Variants in BNIP3L observed in about 807,000 individuals in gnomAD.
The protein encoded by BNIP3L is BCL2/adenovirus E1B 19 kDa protein-interacting protein 3-like.
A neutral mutation model predicts 25.5 loss-of-function variants in BNIP3L; 10 were observed. The ratio of observed to expected loss-of-function variants is 0.39; its 90% CI spans 0.24 to 0.67. The LOEUF (loss-of-function observed/expected upper bound fraction) is 0.67. Ranked by LOEUF, BNIP3L falls within the 30% of genes least tolerant of loss-of-function variation. BNIP3L has a pLI of 0.45. For synonymous variants in BNIP3L, 113 were observed against 101.2 expected (o/e 1.12, Z -0.70); for missense variants, 215 against 270.9 (o/e 0.79, Z 1.45).
chr8:26,407,654 AAG>A (rs1193874393), intron 3 of BNIP3L, among the ~76,000 whole-genome samples: 8 of 152,166 alleles, frequency 5.3e-5, no homozygotes, highest in Admixed American at 5.2e-4. Flanking sequence ...AAGTGCATAC[AAG>A]AGAGAATAAT....
At chr8:26,383,720 C>T (rs1805915239) in intron 1 of BNIP3L, among the ~76,000 whole-genome samples, 1 of 151,490 alleles carries the variant, frequency 6.6e-6, no homozygotes, top group Non-Finnish European at 1.5e-5. Context: ...GGGCGGGCAG[C>T]GTCTGGCGGG....
chr8:26,408,296 AGG>A lies in BNIP3L; in HGVS notation c.535_536del (p.Gly179TyrfsTer52). ...TGAGGAAAAGTGGAGCCATGAAGAAAGGGGGTATTTTCTCCGCAGAATTTCTG... is the reference window on the plus strand; with the variant it reads ...TGAGGAAAAGTGGAGCCATGAAGAAAGGGTATTTTCTCCGCAGAATTTCTG... ...SMRKSGAMKK[G>X]GIFSAEFLKV... is the part of the protein sequence containing the mutation. On this transcript the variant is annotated frameshift_variant, in exon 5 of 6. Transcript: ENST00000380629. LOFTEE classifies it high-confidence loss of function. The A allele has an allele frequency of 1.2e-6, 2 of 1,614,140 alleles. No homozygotes were observed. Among genetic ancestry groups the A allele is most frequent in the Non-Finnish European group, 1.7e-6 (2 of 1,179,998 alleles).
At chr8:26,395,392 T>G in intron 3 of BNIP3L, 90 bp downstream of exon 3, 2 of 1,342,902 alleles carry the variant, frequency 1.5e-6, no homozygotes, top group Non-Finnish European at 2.1e-6. Context: ...GTGAAGACTT[T>G]TAGGAATAGT....
chr8:26,404,505 G>C (rs559343091), intron 3 of BNIP3L, among the ~76,000 whole-genome samples: 2 of 152,080 alleles, frequency 1.3e-5, no homozygotes, highest in South Asian at 4.1e-4. Flanking sequence ...AGGCTAGAAC[G>C]ATCAGAATCT....
chr8:26,406,193 C>CA, intron 3 of BNIP3L, among the ~76,000 whole-genome samples: 1 of 152,268 alleles, frequency 6.6e-6, no homozygotes, highest in African/African-American at 2.4e-5. Context: ...TTTTAAAAGT[C>CA]ACATTTTTTA....
intron 3 of BNIP3L, among the ~76,000 whole-genome samples, chr8:26,405,870 C>T (rs1806488602): frequency 1.3e-5 from 2 of 152,036 alleles, no homozygotes; most frequent in Admixed American, 1.3e-4. Context: ...TGGTGAAACC[C>T]CGTCTCTACG....
In BNIP3L at chr8:26,408,083, A is replaced by G. The variant is rs1402110870; in HGVS notation, c.441A>G (p.Arg147=). The G allele has an allele frequency of 1.2e-6, 2 of 1,614,204 alleles. No homozygotes were observed. Among genetic ancestry groups the G allele is most frequent in the Non-Finnish European group, 1.7e-6 (2 of 1,180,020 alleles). Residue 147 remains arginine (R), a synonymous_variant, in exon 4 of 6, where the codon AGA becomes AGG. Transcript: ENST00000380629. ...SADWVSDWSS[R]PENIPPKEFH... ...ACTGGGTATCAGACTGGTCCAGTAGACCCGAAAACATTCCACCCAAGTGAG... is the reference window on the plus strand; with the variant it reads ...ACTGGGTATCAGACTGGTCCAGTAGGCCCGAAAACATTCCACCCAAGTGAG...
At chr8:26,400,751 C>T (rs1250529434) in intron 3 of BNIP3L, among the ~76,000 whole-genome samples, 1 of 65,238 alleles carries the variant, frequency 1.5e-5, no homozygotes, top group Admixed American at 1.4e-4. Flanking sequence ...AAAAAGTGGG[C>T]GAAGGACATG....
chr8:26,406,841 T>G (rs955941852), intron 3 of BNIP3L, among the ~76,000 whole-genome samples: 6 of 151,940 alleles, frequency 3.9e-5, no homozygotes, highest in African/African-American at 1.5e-4. Context: ...GCATGTAACA[T>G]GCTTGGAATA....
At chr8:26,402,164 T>A (rs17055183) in intron 3 of BNIP3L, among the ~76,000 whole-genome samples, 6,852 of 152,296 alleles carry the variant, frequency 0.045, 522 homozygotes, top group African/African-American at 0.16. Flanking sequence ...TACTATGCTC[T>A]ATTTTTGCTT....
chr8:26,386,109 A>G (rs1563336910), intron 1 of BNIP3L, among the ~76,000 whole-genome samples: 2 of 152,236 alleles, frequency 1.3e-5, no homozygotes, highest in African/African-American at 4.8e-5. Flanking sequence ...TCTTTGGTTC[A>G]GGGGTCAAAG....
chr8:26,398,763 T>C (rs932285971), intron 3 of BNIP3L, among the ~76,000 whole-genome samples: 1 of 76,956 alleles, frequency 1.3e-5, no homozygotes, highest in Admixed American at 1.1e-4. Context: ...AAGAATCAAA[T>C]AGACAAAAAA....
In BNIP3L at chr8:26,383,163, C is replaced by T; in HGVS notation, c.33C>T (p.Pro11=). 11 of 1,612,532 alleles carry T rather than the reference C, an allele frequency of 6.8e-6. No homozygotes were observed. The highest frequency in any genetic ancestry group is 9.3e-6 in the Non-Finnish European group (11 of 1,179,764). Residue 11 remains proline, a synonymous_variant, in exon 1 of 6, where the codon CCC becomes CCT. Coordinates refer to ENST00000380629, the MANE Select transcript of BNIP3L (RefSeq NM_004331.3). ...CCCACCTAGTCGAGCCGCCGCCGCC[C>T]CTGCACAACAACAACAACAACTGCG... The part of the protein sequence containing the change: MSSHLVEPPP[P]LHNNNNNCEE...
rs1806645475 is a variant in BNIP3L, at chr8:26,412,240, T to C, written c.*1828T>C. 1 of 152,232 alleles carries C rather than the reference T, an allele frequency of 6.6e-6. No individual in the cohort carries two copies. Among genetic ancestry groups the C allele is most frequent in the Non-Finnish European group, 1.5e-5 (1 of 68,040 alleles). The allele number at this position is 152,232 out of a possible 1,614,324, so 9.4% of individuals were successfully genotyped here. A position where few individuals can be genotyped will look rare whatever the true frequency, so the allele number is the denominator to read the frequency against. On this transcript the variant is annotated 3_prime_UTR_variant, in exon 6 of 6. Transcript: ENST00000380629. ...TTTCAAGTGTTCATATTTGAATTTC[T>C]TTGGGAAGAAAGTAAATCTGATGGC...
At chr8:26,395,325 T>A in intron 3 of BNIP3L, 23 bp downstream of exon 3, 1 of 1,602,072 alleles carries the variant, frequency 6.2e-7, no homozygotes, top group Non-Finnish European at 8.5e-7. Context: ...GATTCTGATT[T>A]ACAGTAAACA....
In BNIP3L at chr8:26,383,219, C is replaced by A; in HGVS notation, c.89C>A (p.Ala30Asp). The part of the protein sequence containing the change: ...EENEQSLPPP[A>D]GLNSSWVELP... ...AATGAGCAGTCTCTGCCCCCGCCGG[C>A]CGGCCTCAACAGTGAGTGCGGGGCC... The change falls in exon 1 of 6, where the codon GCC (alanine) becomes GAC (aspartate). Residue 30 changes from alanine (A) to aspartate (D), a missense_variant. By Grantham distance (126) the Ala-to-Asp change is moderately radical. Coordinates refer to ENST00000380629, the MANE Select transcript of BNIP3L (RefSeq NM_004331.3). 1 of 1,610,096 alleles carries A rather than the reference C, an allele frequency of 6.2e-7. No individual in the cohort carries two copies. Among genetic ancestry groups the A allele is most frequent in the African/African-American group, 1.3e-5 (1 of 75,022 alleles).
intron 1 of BNIP3L, among the ~76,000 whole-genome samples, chr8:26,384,727 A>ATTTTTTTT (rs10598657): frequency 2.1e-5 from 2 of 97,148 alleles, no homozygotes; most frequent in Admixed American, 1.1e-4. Context: ...TTTTGAGGAC[A>ATTTTTTTT]TTTTTTTTTT....
chr8:26,394,061 A>C (rs1007435845), intron 2 of BNIP3L, among the ~76,000 whole-genome samples: 11 of 152,130 alleles, frequency 7.2e-5, no homozygotes, highest in African/African-American at 2.7e-4. Context: ...TAAGCCCCAA[A>C]TATTTTTTAT....
rs869246507 is a variant in BNIP3L, at chr8:26,388,840, T to TAAATA, written c.101-2401_101-2400insATAAA. 6.7e-5 allele frequency among the ~76,000 whole-genome samples: 10 copies of TAAATA among 149,988 alleles called. No individual in the cohort carries two copies. In the South Asian group the frequency reaches 2.1e-3, roughly 32 times the overall value. The stretch of plus-strand genomic sequence containing the variant: ...ATAAATAAATAAATAAATAAATAAA[T>TAAATA]AAGTCGGGCATGGTGGCATGTGCCC... On this transcript the variant is annotated intron_variant, in intron 1 of 5. Transcript: ENST00000380629.
Sources: gnomAD v4.1 joint callset for allele counts (sites outside exome capture counted in the v4.1 genomes callset) on GRCh38, gnomAD v4.1.1 for gene constraint, MANE v1.5 for transcripts, NCBI Gene and HGNC (gene_info 2026-07-23, HGNC 2026-07-21) for gene names.